The following CUBN variants were observed in gnomAD, a reference collection of about 807,000 sequenced individuals.
CUBN encodes 460 kDa receptor.
A neutral mutation model predicts 405.3 loss-of-function variants in CUBN; 282 were observed. The ratio of observed to expected loss-of-function variants is 0.70; its 90% CI spans 0.63 to 0.77. The LOEUF (loss-of-function observed/expected upper bound fraction) is 0.77. Ranked by LOEUF, CUBN falls within the 30% of genes least tolerant of loss-of-function variation. The probability of loss-of-function intolerance (pLI) is 0.00; values close to 1 mark genes in which losing one functional copy is unlikely to be tolerated. For missense variants in CUBN, 4,514 were observed against 4,475.2 expected (o/e 1.01, Z -0.25); for synonymous variants, 1,684 against 1,617.0 (o/e 1.04, Z -0.99).
rs572603492 is a variant in CUBN, at chr10:16,869,787, A to G, written c.9303T>C (p.Gly3101=). 3 of 1,614,052 alleles carry G rather than the reference A, an allele frequency of 1.9e-6. No individual in the cohort carries two copies. The highest frequency in any genetic ancestry group is 1.7e-5 in the Admixed American group (1 of 59,996). Residue 3101 remains glycine (G), a synonymous_variant, in exon 59 of 67, where the codon GGT becomes GGC. Transcript: ENST00000377833. ...CSHDYLAIYD[G]ANTSDPLLGK... Reference sequence around the variant, plus strand: ...CAAGAAGGGGATCGCTGGTATTGGCACCATCGTAAATTGCCAGGTAGTCAT... The same window carrying G: ...CAAGAAGGGGATCGCTGGTATTGGCGCCATCGTAAATTGCCAGGTAGTCAT...
Position 16,964,563 on chromosome 10 carries a change from C to T in CUBN, c.4696-10015G>A, listed in dbSNP as rs1843333703. Among the ~76,000 whole-genome samples, 3 of 152,164 alleles carry T rather than the reference C, an allele frequency of 2.0e-5. No homozygotes were observed. In the South Asian group the frequency reaches 6.2e-4, roughly 32 times the overall value. On this transcript the variant is annotated intron_variant, in intron 31 of 66. Coordinates refer to ENST00000377833, the MANE Select transcript of CUBN (RefSeq NM_001081.4). Reference sequence around the variant, plus strand: ...GTAATACTAAGGATGGCAATAATTTCTTATTTCTTCTTTTCTGTATTCTAC... The same window carrying T: ...GTAATACTAAGGATGGCAATAATTTTTTATTTCTTCTTTTCTGTATTCTAC...
At chr10:16,836,773 T>A (rs1209430552) in intron 62 of CUBN, among the ~76,000 whole-genome samples, 1 of 152,126 alleles carries the variant, frequency 6.6e-6, no homozygotes, top group African/African-American at 2.4e-5. Context: ...ACAACCACCA[T>A]CACCCTGATC....
chr10:16,911,825 T>C (rs1841744867), intron 48 of CUBN, among the ~76,000 whole-genome samples: 1 of 152,176 alleles, frequency 6.6e-6, no homozygotes, highest in Non-Finnish European at 1.5e-5. Context: ...TTCTGAACTC[T>C]CCAAATATTG....
chr10:16,982,978 G>C (rs1351162527), intron 30 of CUBN, among the ~76,000 whole-genome samples: 1 of 137,510 alleles, frequency 7.3e-6, no homozygotes, highest in South Asian at 2.6e-4. Flanking sequence ...TAAAAATATA[G>C]CATACTGGAA....
chr10:17,085,459 G>T, intron 16 of CUBN, 138 bp downstream of exon 16: 1 of 893,306 alleles, frequency 1.1e-6, no homozygotes. Context: ...ATGAAGCTAT[G>T]AGAGAAATAT....
chr10:16,976,630 T>C (rs1460112649), intron 31 of CUBN, among the ~76,000 whole-genome samples: 1 of 152,174 alleles, frequency 6.6e-6, no homozygotes, highest in Non-Finnish European at 1.5e-5. Flanking sequence ...CTCTTCAAAG[T>C]TTGCTTCTGT....
At chr10:17,089,387 T>C (rs74467418) in intron 14 of CUBN, among the ~76,000 whole-genome samples, 11 of 152,146 alleles carry the variant, frequency 7.2e-5, no homozygotes, top group Admixed American at 2.0e-4. Context: ...AAAAATGCAA[T>C]ATGCAACAAA....
At chr10:17,013,055 T>C (rs1834227204) in intron 28 of CUBN, among the ~76,000 whole-genome samples, 1 of 152,250 alleles carries the variant, frequency 6.6e-6, no homozygotes, top group South Asian at 2.1e-4. Flanking sequence ...CAAGGTGGTA[T>C]TGGAGTGTTA....
At chr10:17,054,926 G>GATATTTTC (rs1314112433) in intron 22 of CUBN, among the ~76,000 whole-genome samples, 1 of 151,976 alleles carries the variant, frequency 6.6e-6, no homozygotes, top group Non-Finnish European at 1.5e-5. Flanking sequence ...TAGAGGAGAA[G>GATATTTTC]ATATTTTCTA....
At chr10:16,840,639 T>C (rs1349223117) in intron 61 of CUBN, 104 bp from the exon 62 acceptor site, 12 of 991,364 alleles carry the variant, frequency 1.2e-5, no homozygotes, top group Non-Finnish European at 1.9e-5. Context: ...GGAGGAGCTA[T>C]ATTTTCATTA....
rs1361448450 is a variant in CUBN, at chr10:17,099,182, G to A, written c.1765+823C>T. Among the ~76,000 whole-genome samples the A allele has an allele frequency of 2.6e-5, 4 of 152,262 alleles. No homozygotes were observed. In the East Asian group the frequency reaches 7.7e-4, roughly 29 times the overall value. On this transcript the variant is annotated intron_variant, in intron 14 of 66. Coordinates refer to ENST00000377833, the MANE Select transcript of CUBN (RefSeq NM_001081.4). ...ATAAAAACACCAGTAAAAAAGATGAGAAAATGCTGAAATTGATCCACAGAT... is the reference window on the plus strand; with the variant it reads ...ATAAAAACACCAGTAAAAAAGATGAAAAAATGCTGAAATTGATCCACAGAT...
chr10:17,010,336 C>A (rs966962900), intron 28 of CUBN, among the ~76,000 whole-genome samples: 1 of 152,146 alleles, frequency 6.6e-6, no homozygotes, highest in Non-Finnish European at 1.5e-5. Flanking sequence ...CATGAGTTGA[C>A]TTAGGTTGAA....
In CUBN at chr10:16,904,084, A is replaced by G. The variant is rs750637391; in HGVS notation, c.7944T>C (p.Leu2648=). ...GDADGPLMWR[L]CGPSKPTLPL... ...GCAATGTAGGCTTTGAAGGACCACA[A>G]AGTCTCCACATCAGGGGCCCATCAG... Residue 2648 remains leucine, a synonymous_variant, in exon 51 of 67, where the codon CTT becomes CTC. Transcript: ENST00000377833. The G allele has an allele frequency of 5.5e-5, 88 of 1,613,708 alleles. No homozygotes were observed. Among genetic ancestry groups the G allele is most frequent in the Non-Finnish European group, 7.3e-5 (86 of 1,179,748 alleles).
chr10:17,085,296 A>G (rs1457981238), intron 16 of CUBN, among the ~76,000 whole-genome samples: 1 of 152,160 alleles, frequency 6.6e-6, no homozygotes, highest in East Asian at 1.9e-4. Context: ...CCTCTCTCAC[A>G]ACTAAACATC....
intron 31 of CUBN, among the ~76,000 whole-genome samples, chr10:16,958,707 T>C (rs1391712660): frequency 1.3e-5 from 2 of 152,322 alleles, no homozygotes; most frequent in African/African-American, 2.4e-5. Context: ...TCATTCAATG[T>C]AGGCTAGTAA....
intron 1 of CUBN, 117 bp downstream of exon 1, chr10:17,129,527 G>C: frequency 7.6e-7 from 1 of 1,316,254 alleles, no homozygotes; most frequent in Non-Finnish European, 1.1e-6. Flanking sequence ...TTCCCTGTTT[G>C]CTTCTCAACA....
chr10:17,071,694 T>C (rs1396995207), intron 18 of CUBN, 90 bp from the exon 19 acceptor site: 6 of 1,464,912 alleles, frequency 4.1e-6, no homozygotes, highest in Non-Finnish European at 3.8e-6. Flanking sequence ...CCTGAGGAGA[T>C]AACCGAATAT....
chr10:16,828,544 C>T (rs1838864004), intron 66 of CUBN, among the ~76,000 whole-genome samples: 1 of 152,016 alleles, frequency 6.6e-6, no homozygotes, highest in Non-Finnish European at 1.5e-5. Context: ...ATGGCAAAAC[C>T]CTGTTTCTAC....
rs373893072 is a variant in CUBN at position 16,899,115 on chromosome 10, C to T, written c.8479G>A (p.Glu2827Lys). 326 of 1,613,902 alleles carry T rather than the reference C, an allele frequency of 2.0e-4. No homozygotes were observed. The South Asian group carries it at 3.0e-3, about 15-fold the overall frequency. ...RSPHWPQNFP[E>K]NSRCSWTAIT... ...GCCGTCCAGGAACATCTGCTGTTTTCGGGAAAATTCTGAGGCCAGTGAGGG... is the reference window on the plus strand; with the variant it reads ...GCCGTCCAGGAACATCTGCTGTTTTTGGGAAAATTCTGAGGCCAGTGAGGG... The change falls in exon 54 of 67, where the codon GAA becomes AAA. Residue 2827 changes from glutamate to lysine, a missense_variant. Glu to Lys is a moderately conservative substitution (Grantham distance 56, BLOSUM62 1). Transcript: ENST00000377833.
Sources: allele counts gnomAD v4.1 joint callset (sites outside exome capture counted in the v4.1 genomes callset), GRCh38; gene constraint gnomAD v4.1.1; transcripts MANE v1.5; gene names NCBI Gene and HGNC (gene_info 2026-07-23, HGNC 2026-07-21).